The following CSMD1 variants were observed in gnomAD, a reference collection of about 807,000 sequenced individuals.
The protein encoded by CSMD1 is CUB and Sushi multiple domains 1, also known as CUB and sushi domain-containing protein 1.
Under a neutral mutation model 417.5 loss-of-function variants are expected in CSMD1, and 213 were observed. That is an observed-to-expected ratio of 0.51 (90% CI 0.46 to 0.57). The LOEUF (loss-of-function observed/expected upper bound fraction) is 0.57, where lower values mean the gene tolerates loss of function less well. CSMD1 is among the 20% of genes least tolerant of loss of function. CSMD1 has a pLI of 0.00. For synonymous variants in CSMD1, 2,862 were observed against 1,736.8 expected (o/e 1.65, Z -16.11); for missense variants, 6,923 against 4,529.7 (o/e 1.53, Z -15.17).
rs879390100 is a variant in CSMD1, at chr8:4,408,088, C to CT, written c.415+11864dup. Among the ~76,000 whole-genome samples the CT allele has an allele frequency of 9.2e-5, 14 of 152,298 alleles. No individual in the cohort carries two copies. In the South Asian group the frequency reaches 1.9e-3, roughly 20 times the overall value. On this transcript the variant is annotated intron_variant, in intron 3 of 69. Transcript: ENST00000635120. The stretch of plus-strand genomic sequence containing the variant: ...CATTATTCTAATATTTAAAAGCATG[C>CT]TTCACAAAAAGTTTATGCCTGAATG...
At chr8:3,997,079 A>G (rs762391486) in intron 5 of CSMD1, among the ~76,000 whole-genome samples, 54 of 152,214 alleles carry the variant, frequency 3.5e-4, no homozygotes, top group Non-Finnish European at 3.5e-4. Context: ...ATTCTTGTTT[A>G]GTCATATTTC....
intron 2 of CSMD1, among the ~76,000 whole-genome samples, chr8:4,539,312 A>G (rs900128864): frequency 3.3e-5 from 5 of 152,214 alleles, no homozygotes; most frequent in Non-Finnish European, 7.3e-5. Flanking sequence ...TATATCTTTT[A>G]AGACATTTTC....
rs533587617 is a variant in CSMD1 at position 3,138,011 on chromosome 8, G to C, written c.6241+4454C>G. Among the ~76,000 whole-genome samples, 3 of 152,198 alleles carry C rather than the reference G, an allele frequency of 2.0e-5. No individual in the cohort carries two copies. The South Asian group carries it at 6.2e-4, about 31-fold the overall frequency. ...AGGATGAGGAGGGCAAATGACCTGAGGTCAGGAGTTCGAGACCAACCTGGC... is the reference window on the plus strand; with the variant it reads ...AGGATGAGGAGGGCAAATGACCTGACGTCAGGAGTTCGAGACCAACCTGGC... On this transcript the variant is annotated intron_variant, in intron 41 of 69. Coordinates refer to ENST00000635120, the MANE Select transcript of CSMD1 (RefSeq NM_033225.6).
At chr8:3,669,252 A>G (rs1798860282) in intron 7 of CSMD1, among the ~76,000 whole-genome samples, 1 of 152,210 alleles carries the variant, frequency 6.6e-6, no homozygotes, top group African/African-American at 2.4e-5. Context: ...CATCAATCTG[A>G]GTGAAAATGT....
chr8:3,252,963 A>G (rs1373880972), intron 26 of CSMD1, among the ~76,000 whole-genome samples: 1 of 151,612 alleles, frequency 6.6e-6, no homozygotes, highest in Admixed American at 6.6e-5. Context: ...TTTCTTCTTT[A>G]TTAGTTTTGC....
intron 23 of CSMD1, among the ~76,000 whole-genome samples, chr8:3,340,204 G>C (rs937464406): frequency 6.6e-6 from 1 of 152,132 alleles, no homozygotes; most frequent in African/African-American, 2.4e-5. Context: ...CACTCCCTGT[G>C]TGCAGCAAAT....
At chr8:4,457,830 A>C (rs1305391283) in intron 2 of CSMD1, among the ~76,000 whole-genome samples, 3 of 152,064 alleles carry the variant, frequency 2.0e-5, no homozygotes, top group Non-Finnish European at 4.4e-5. Context: ...CCTTGCAGAC[A>C]GCTTTGCAGT....
chr8:3,175,666 C>G (rs146062172), intron 37 of CSMD1, among the ~76,000 whole-genome samples: 1 of 144,606 alleles, frequency 6.9e-6, no homozygotes, highest in Non-Finnish European at 1.5e-5. Flanking sequence ...TCTGCATAGG[C>G]TTCTGTATCT....
At chr8:3,766,704 G>A (rs937216505) in intron 5 of CSMD1, among the ~76,000 whole-genome samples, 3 of 151,512 alleles carry the variant, frequency 2.0e-5, no homozygotes, top group African/African-American at 7.3e-5. Flanking sequence ...ATTTATTTTG[G>A]GTTCACTGAC....
chr8:3,971,815 G>T (rs1042843146), intron 5 of CSMD1, among the ~76,000 whole-genome samples: 2 of 152,162 alleles, frequency 1.3e-5, no homozygotes, highest in African/African-American at 2.4e-5. Flanking sequence ...TACTTTCTCT[G>T]TCTGTTGCAT....
intron 7 of CSMD1, among the ~76,000 whole-genome samples, chr8:3,620,963 G>C (rs1312042935): frequency 6.6e-6 from 1 of 152,150 alleles, no homozygotes; most frequent in Non-Finnish European, 1.5e-5. Flanking sequence ...CTTTAAAGAG[G>C]TAATTAACTT....
intron 5 of CSMD1, among the ~76,000 whole-genome samples, chr8:3,947,153 G>C (rs1008769576): frequency 6.6e-6 from 1 of 152,152 alleles, no homozygotes; most frequent in African/African-American, 2.4e-5. Flanking sequence ...TAAGAAATTA[G>C]TTATAAAATT....
intron 39 of CSMD1, among the ~76,000 whole-genome samples, chr8:3,154,113 C>A (rs962358412): frequency 6.6e-6 from 1 of 152,114 alleles, no homozygotes; most frequent in African/African-American, 2.4e-5. Flanking sequence ...ATTACAGGCG[C>A]CCACAACTGC....
At chr8:3,802,569 G>T (rs1016123081) in intron 5 of CSMD1, among the ~76,000 whole-genome samples, 1 of 152,110 alleles carries the variant, frequency 6.6e-6, no homozygotes, top group Non-Finnish European at 1.5e-5. Flanking sequence ...TAGTTAAGGG[G>T]AGAAATACAG....
chr8:3,240,811 TC>T (rs1299644455), intron 26 of CSMD1, among the ~76,000 whole-genome samples: 1 of 152,156 alleles, frequency 6.6e-6, no homozygotes, highest in Non-Finnish European at 1.5e-5. Flanking sequence ...AAGGCGCAGA[TC>T]CTGAACTAAC....
chr8:3,144,965 A>G (rs532836713), intron 40 of CSMD1, among the ~76,000 whole-genome samples: 11 of 152,142 alleles, frequency 7.2e-5, no homozygotes, highest in Non-Finnish European at 1.5e-4. Context: ...CTACTGAGCT[A>G]AAAACACAGT....
At chr8:4,544,305 C>G (rs1246465696) in intron 2 of CSMD1, among the ~76,000 whole-genome samples, 1 of 152,050 alleles carries the variant, frequency 6.6e-6, no homozygotes, top group Non-Finnish European at 1.5e-5. Context: ...GGTCTATTGT[C>G]AATATCTAAA....
chr8:4,409,649 T>TGC (rs1563143482), intron 3 of CSMD1, among the ~76,000 whole-genome samples: 27 of 149,898 alleles, frequency 1.8e-4, no homozygotes, highest in Admixed American at 1.5e-3. Context: ...TTTCTTTTTT[T>TGC]TTTTTTTTTT....
chr8:4,112,036 T>A lies in CSMD1; in HGVS notation c.416-79937A>T, dbSNP rs142878200. The stretch of plus-strand genomic sequence containing the variant: ...AAATGACATGAAATGTATAAAAATC[T>A]ACTTTATGTTAACATTTGCAATTTT... On this transcript the variant is annotated intron_variant, in intron 3 of 69. Coordinates refer to ENST00000635120, the MANE Select transcript of CSMD1 (RefSeq NM_033225.6). 2.5e-4 allele frequency among the ~76,000 whole-genome samples: 38 copies of A among 152,342 alleles called. 1 individual carries two copies. The East Asian group carries it at 7.3e-3, about 29-fold the overall frequency.
Sources: allele counts gnomAD v4.1 joint callset (sites outside exome capture counted in the v4.1 genomes callset), GRCh38; gene constraint gnomAD v4.1.1; transcripts MANE v1.5; gene names NCBI Gene and HGNC (gene_info 2026-07-23, HGNC 2026-07-21).